Variants in SUMF1 observed in about 807,000 individuals in gnomAD.
SUMF1 encodes the protein sulfatase modifying factor 1.
SUMF1 carries 48 observed loss-of-function variants against 47.6 expected under a neutral mutation model. That is an observed-to-expected ratio of 1.01 (90% CI 0.80 to 1.28). The LOEUF is 1.28. SUMF1 is among the 50% of genes most tolerant of loss of function. SUMF1 has a pLI of 0.00. For synonymous variants in SUMF1, 230 were observed against 192.1 expected, an observed-to-expected ratio of 1.20 and a Z score of -1.63; for missense variants, 571 against 485.4, an observed-to-expected ratio of 1.18 and a Z score of -1.66.
chr3:4,368,435 C>T (rs934906882), intron 8 of SUMF1, among the ~76,000 whole-genome samples: 5 of 152,128 alleles, frequency 3.3e-5, no homozygotes, highest in Non-Finnish European at 5.9e-5. Context: ...GTGGCGATTC[C>T]TCAGGGATCT....
At chr3:4,251,435 T>A (rs762247496) in intron 8 of SUMF1, among the ~76,000 whole-genome samples, 1 of 152,220 alleles carries the variant, frequency 6.6e-6, no homozygotes, top group Non-Finnish European at 1.5e-5. Flanking sequence ...TAATATTACA[T>A]CAATTTAGTC....
intron 6 of SUMF1, chr3:4,414,687 T>G (rs1396902878): frequency 2.6e-5 from 4 of 152,232 alleles, no homozygotes; most frequent in Admixed American, 2.6e-4. Flanking sequence ...TTCCCACACA[T>G]ATGCTGAACT....
intron 8 of SUMF1, among the ~76,000 whole-genome samples, chr3:4,227,859 C>A (rs1045301549): frequency 2.6e-5 from 4 of 152,242 alleles, no homozygotes; most frequent in South Asian, 2.1e-4. Context: ...ATTCCTTTTT[C>A]TAATTTTCAT....
At chr3:4,101,426 A>G (rs1394763348) in intron 8 of SUMF1, among the ~76,000 whole-genome samples, 1 of 152,126 alleles carries the variant, frequency 6.6e-6, no homozygotes, top group African/African-American at 2.4e-5. Flanking sequence ...TCACTTATAC[A>G]TGTAATCTAA....
At position 4,449,132 on chromosome 3, in the gene SUMF1, G is replaced by C. The variant is rs1351153393; in HGVS notation, c.519+134C>G. On this transcript the variant is annotated intron_variant, in intron 3 of 8. Transcript: ENST00000272902. ...GTCCTGGTCCATGGGCCTATTATTTGGGGTCAATCCTCAGCAGGAGAATGG... is the reference window on the plus strand; with the variant it reads ...GTCCTGGTCCATGGGCCTATTATTTCGGGTCAATCCTCAGCAGGAGAATGG... 20 of 961,524 alleles carry C rather than the reference G, an allele frequency of 2.1e-5. No homozygotes were observed. The South Asian group carries it at 2.5e-4, about 12-fold the overall frequency. 59.6% of individuals were successfully genotyped at this position (961,524 alleles called of 1,614,324 possible).
intron 8 of SUMF1, among the ~76,000 whole-genome samples, chr3:4,251,157 A>G (rs1328075021): frequency 1.3e-5 from 2 of 152,196 alleles, no homozygotes; most frequent in African/African-American, 4.8e-5. Context: ...TATCAGCACT[A>G]ATAGGAGTTT....
intron 8 of SUMF1, among the ~76,000 whole-genome samples, chr3:4,326,815 C>T (rs894784398): frequency 6.6e-6 from 1 of 152,100 alleles, no homozygotes; most frequent in Non-Finnish European, 1.5e-5. Flanking sequence ...GCCACCATGC[C>T]CAGCCTCCAA....
At chr3:4,466,729 G>C (rs1392282967) in intron 1 of SUMF1, among the ~76,000 whole-genome samples, 3 of 152,172 alleles carry the variant, frequency 2.0e-5, no homozygotes, top group African/African-American at 7.2e-5. Flanking sequence ...GAACAGGTTG[G>C]AGGGAGAAAG....
At chr3:4,260,349 C>A (rs956083595) in intron 8 of SUMF1, among the ~76,000 whole-genome samples, 17 of 152,288 alleles carry the variant, frequency 1.1e-4, no homozygotes, top group African/African-American at 3.8e-4. Flanking sequence ...GTTCTATATT[C>A]TCCTACTTGT....
rs961489002 is a variant in SUMF1, at chr3:4,456,972, G to A, written c.271-3923C>T. Reference sequence around the variant, plus strand: ...TATATACGTGTGTGTATATATATACGTGTGTGTATATATATATACGTGTGT... The same window carrying A: ...TATATACGTGTGTGTATATATATACATGTGTGTATATATATATACGTGTGT... On this transcript the variant is annotated intron_variant, in intron 1 of 8. Transcript: ENST00000272902. Among the ~76,000 whole-genome samples, 23 of 105,738 alleles carry A rather than the reference G, an allele frequency of 2.2e-4. 1 individual carries two copies. Among genetic ancestry groups the A allele is most frequent in the South Asian group, 2.8e-4 (1 of 3,624 alleles). The allele number at this position is 105,738 out of a possible 152,430, so 69.4% of individuals were successfully genotyped here.
intron 3 of SUMF1, among the ~76,000 whole-genome samples, chr3:4,444,189 T>C (rs1702701812): frequency 6.6e-6 from 1 of 152,074 alleles, no homozygotes; most frequent in Non-Finnish European, 1.5e-5. Flanking sequence ...TCAAGAAAAA[T>C]AAATGTGAAC....
intron 3 of SUMF1, among the ~76,000 whole-genome samples, chr3:4,432,626 C>A (rs1158078555): frequency 6.6e-6 from 1 of 152,144 alleles, no homozygotes. Context: ...GAGACCATCA[C>A]CAATCCTATA....
chr3:4,192,364 A>G (rs1695335144), intron 8 of SUMF1, among the ~76,000 whole-genome samples: 1 of 152,124 alleles, frequency 6.6e-6, no homozygotes, highest in Non-Finnish European at 1.5e-5. Context: ...TAAGAATATA[A>G]AGCCAAATTA....
intron 8 of SUMF1, among the ~76,000 whole-genome samples, chr3:4,162,586 C>T (rs1694603680): frequency 6.6e-6 from 1 of 152,174 alleles, no homozygotes; most frequent in Non-Finnish European, 1.5e-5. Context: ...ACTGTGACAG[C>T]ACAGCACTGA....
chr3:4,140,325 T>C (rs1004706754), intron 8 of SUMF1, among the ~76,000 whole-genome samples: 3 of 152,038 alleles, frequency 2.0e-5, no homozygotes, highest in African/African-American at 7.2e-5. Context: ...GGACTAGGGT[T>C]CCTCTTTCTT....
intron 8 of SUMF1, among the ~76,000 whole-genome samples, chr3:4,151,429 A>G (rs1386598997): frequency 6.4e-5 from 4 of 62,024 alleles, no homozygotes; most frequent in Admixed American, 3.5e-4. Flanking sequence ...ATGTGTATAC[A>G]TGTGTATATA....
Position 4,405,515 on chromosome 3 carries a change from T to C in SUMF1, c.954+5350A>G, listed in dbSNP as rs116419535. 8.4e-3 allele frequency among the ~76,000 whole-genome samples: 1,282 copies of C among 152,294 alleles called. 9 individuals are homozygous for C. The highest frequency in any genetic ancestry group is 0.014 in the Non-Finnish European group (952 of 68,016). On this transcript the variant is annotated intron_variant, in intron 7 of 8. Coordinates refer to ENST00000272902, the MANE Select transcript of SUMF1 (RefSeq NM_182760.4). ...CATTCTCCCACCTCAATCTGCCGGG[T>C]AGCTGGGACTACAGGCATGTGCCAC...
intron 3 of SUMF1, among the ~76,000 whole-genome samples, chr3:4,433,233 G>A (rs1702292870): frequency 1.3e-5 from 2 of 152,202 alleles, no homozygotes; most frequent in Non-Finnish European, 1.5e-5. Context: ...TCTAAGTTAG[G>A]CCTCAAAAGA....
At chr3:4,136,618 A>C (rs1172288196) in intron 8 of SUMF1, among the ~76,000 whole-genome samples, 2 of 151,910 alleles carry the variant, frequency 1.3e-5, no homozygotes, top group African/African-American at 4.8e-5. Flanking sequence ...AAAATTGACA[A>C]ATGGGATCTA....
Sources: gnomAD v4.1 joint callset for allele counts (sites outside exome capture counted in the v4.1 genomes callset) on GRCh38, gnomAD v4.1.1 for gene constraint, MANE v1.5 for transcripts, NCBI Gene and HGNC (gene_info 2026-07-23, HGNC 2026-07-21) for gene names.